Variants in CEMIP observed in about 807,000 individuals in gnomAD.
CEMIP encodes the protein cell migration-inducing and hyaluronan-binding protein.
A neutral mutation model predicts 156.9 loss-of-function variants in CEMIP; 105 were observed. That is an observed-to-expected ratio of 0.67 (90% CI 0.57 to 0.79). CEMIP has a LOEUF of 0.79. Among genes scored for constraint, CEMIP ranks in the 30% least tolerant of loss-of-function variants. CEMIP has a pLI of 0.00. For missense variants in CEMIP, 1,457 were observed against 1,769.4 expected, an observed-to-expected ratio of 0.82 and a Z score of 3.17; for synonymous variants, 676 against 668.4, an observed-to-expected ratio of 1.01 and a Z score of -0.17.
intron 11 of CEMIP, among the ~76,000 whole-genome samples, 176 bp from the exon 12 acceptor site, chr15:80,895,693 T>G (rs540715016): frequency 6.6e-6 from 1 of 152,250 alleles, no homozygotes; most frequent in African/African-American, 2.4e-5. Context: ...CTGGTAGGGT[T>G]TTTGTTGACT....
chr15:80,875,019 GCATT>G (rs1475271507), intron 3 of CEMIP, among the ~76,000 whole-genome samples: 11 of 131,636 alleles, frequency 8.4e-5, no homozygotes, highest in African/African-American at 3.1e-4. Context: ...ATAGCAAGTA[GCATT>G]TTTTTTTTTT....
chr15:80,881,858 T>C (rs1157109068), intron 6 of CEMIP, among the ~76,000 whole-genome samples: 1 of 152,190 alleles, frequency 6.6e-6, no homozygotes, highest in African/African-American at 2.4e-5. Context: ...AGGCAAGACA[T>C]GGCAGTGATG....
chr15:80,896,205 C>A, intron 12 of CEMIP, 145 bp downstream of exon 12: 2 of 838,610 alleles, frequency 2.4e-6, no homozygotes, highest in Non-Finnish European at 4.0e-6. Flanking sequence ...AACTTCATGA[C>A]AGGTCTTTAT....
intron 1 of CEMIP, among the ~76,000 whole-genome samples, chr15:80,852,421 G>T (rs895202139): frequency 6.6e-6 from 1 of 151,758 alleles, no homozygotes; most frequent in East Asian, 1.9e-4. Flanking sequence ...GGAGAGGTAC[G>T]ATTACTAACC....
intron 1 of CEMIP, among the ~76,000 whole-genome samples, chr15:80,806,007 A>G (rs557038229): frequency 2.6e-5 from 4 of 152,200 alleles, no homozygotes; most frequent in Non-Finnish European, 4.4e-5. Context: ...AGAAATTTCA[A>G]TTGCTGGTTA....
rs1901374009 is a variant in CEMIP at position 80,942,353 on chromosome 15, C to T, written c.3699+16C>T. ...TTACATTGAAGTAAGTGCCTCTGGCCCCTGGAGGATTCGGGTTTGCTCATT... is the reference window on the plus strand; with the variant it reads ...TTACATTGAAGTAAGTGCCTCTGGCTCCTGGAGGATTCGGGTTTGCTCATT... On this transcript the variant is annotated intron_variant, in intron 27 of 29. Transcript: ENST00000394685. The T allele has an allele frequency of 1.9e-6, 3 of 1,606,484 alleles. No individual in the cohort carries two copies. Among genetic ancestry groups the T allele is most frequent in the African/African-American group, 2.7e-5 (2 of 74,856 alleles).
Position 80,895,019 on chromosome 15 carries a change from C to A in CEMIP, c.1116C>A (p.Ser372Arg). ...CTACAATGGATGGAGTTAACCTCAG[C>A]ACCGAGGTTGTCTACAAAAAAGGCC... ...QATTMDGVNL[S>R]TEVVYKKGQD... Residue 372 changes from serine (S) to arginine (R), a missense_variant, in exon 11 of 30, where the codon AGC (serine) becomes AGA (arginine). This residue lies in a region of CEMIP where 280 missense variants were observed against 300.3 expected (regional missense o/e 0.93). Transcript: ENST00000394685. The A allele has an allele frequency of 6.2e-7, 1 of 1,614,118 alleles. No homozygotes were observed. Among genetic ancestry groups the A allele is most frequent in the African/African-American group, 1.3e-5 (1 of 75,050 alleles).
At chr15:80,935,627 C>T (rs1296094996) in intron 23 of CEMIP, among the ~76,000 whole-genome samples, 1 of 152,214 alleles carries the variant, frequency 6.6e-6, no homozygotes, top group Non-Finnish European at 1.5e-5. Flanking sequence ...TCCAAAAGCA[C>T]AACATCATTG....
intron 10 of CEMIP, among the ~76,000 whole-genome samples, chr15:80,894,616 G>A (rs1272003453): frequency 6.6e-6 from 1 of 152,100 alleles, no homozygotes; most frequent in African/African-American, 2.4e-5. Context: ...TTGGACTGTT[G>A]GCCGCTGTTC....
intron 1 of CEMIP, among the ~76,000 whole-genome samples, chr15:80,781,917 C>T (rs1021577767): frequency 2.0e-5 from 3 of 152,154 alleles, no homozygotes; most frequent in African/African-American, 7.2e-5. Context: ...TCCCTTTGCC[C>T]TCTCTCTTAA....
chr15:80,876,826 G>A (rs141006209), intron 3 of CEMIP, among the ~76,000 whole-genome samples: 12 of 152,320 alleles, frequency 7.9e-5, no homozygotes, highest in African/African-American at 7.2e-5. Context: ...CTCCTACTCT[G>A]GAGATAGCTG....
intron 18 of CEMIP, 123 bp downstream of exon 18, chr15:80,924,829 T>C (rs1900600080): frequency 2.3e-6 from 2 of 877,994 alleles, no homozygotes; most frequent in Non-Finnish European, 3.8e-6. Context: ...TGCTGGGCTT[T>C]GAGCTAGTTG....
intron 1 of CEMIP, among the ~76,000 whole-genome samples, chr15:80,852,003 T>C (rs771898384): frequency 3.3e-4 from 50 of 151,526 alleles, no homozygotes; most frequent in Non-Finnish European, 6.0e-4. Context: ...GAAGAGATGA[T>C]GAGGAAGTAG....
At chr15:80,907,976 T>C (rs73500484) in intron 13 of CEMIP, among the ~76,000 whole-genome samples, 1,807 of 152,288 alleles carry the variant, frequency 0.012, 36 homozygotes, top group African/African-American at 0.041. Flanking sequence ...ATGGGGGCCC[T>C]ACTGGCATTT....
intron 17 of CEMIP, 78 bp from the exon 18 acceptor site, chr15:80,924,543 G>T: frequency 8.1e-7 from 1 of 1,227,210 alleles, no homozygotes. Flanking sequence ...TCAGAAGTAT[G>T]CAGTGAGGCT....
At chr15:80,797,575 G>A (rs1896262579) in intron 1 of CEMIP, among the ~76,000 whole-genome samples, 1 of 152,220 alleles carries the variant, frequency 6.6e-6, no homozygotes, top group South Asian at 2.1e-4. Flanking sequence ...GTGGTCAAGT[G>A]TCTTGTCTTA....
At chr15:80,847,414 A>G (rs1397064096) in intron 1 of CEMIP, among the ~76,000 whole-genome samples, 3 of 152,206 alleles carry the variant, frequency 2.0e-5, no homozygotes, top group East Asian at 3.9e-4. Flanking sequence ...TCAATACATT[A>G]CATCAATAAA....
chr15:80,925,538 A>C, intron 18 of CEMIP, 86 bp from the exon 19 acceptor site: 1 of 1,557,196 alleles, frequency 6.4e-7, no homozygotes, highest in Non-Finnish European at 8.7e-7. Flanking sequence ...CTGTGAGTAG[A>C]GAGAGGCTCA....
At chr15:80,779,965 C>T (rs1895747577) in intron 1 of CEMIP, among the ~76,000 whole-genome samples, 1 of 152,056 alleles carries the variant, frequency 6.6e-6, no homozygotes, top group Admixed American at 6.5e-5. Flanking sequence ...GCACCGGGGG[C>T]TTGCGCCCGG....
Sources: allele counts gnomAD v4.1 joint callset (sites outside exome capture counted in the v4.1 genomes callset), GRCh38; gene constraint gnomAD v4.1.1; regional missense constraint gnomAD v4.1.1; transcripts MANE v1.5; gene names NCBI Gene and HGNC (gene_info 2026-07-23, HGNC 2026-07-21).